RCAN2: variants seen among roughly 807,000 people sequenced by gnomAD.
RCAN2 encodes calcipressin-2.
Under a neutral mutation model 23.6 loss-of-function variants are expected in RCAN2, and 9 were observed. That is an observed-to-expected ratio of 0.38 (90% CI 0.23 to 0.67). The LOEUF (loss-of-function observed/expected upper bound fraction) is 0.67, where lower values mean the gene tolerates loss of function less well. Ranked by LOEUF, RCAN2 falls within the 30% of genes least tolerant of loss-of-function variation. The pLI is 0.51. For synonymous variants in RCAN2, 109 were observed against 115.7 expected, an observed-to-expected ratio of 0.94 and a Z score of 0.37; for missense variants, 273 against 302.3, an observed-to-expected ratio of 0.90 and a Z score of 0.72.
chr6:46,263,265 A>G (rs1767176233), intron 2 of RCAN2, among the ~76,000 whole-genome samples: 1 of 152,200 alleles, frequency 6.6e-6, no homozygotes. Context: ...CACTAAACAT[A>G]TGTATTAAGA....
intron 2 of RCAN2, among the ~76,000 whole-genome samples, chr6:46,302,514 C>T (rs1762932794): frequency 6.6e-6 from 1 of 152,094 alleles, no homozygotes; most frequent in Non-Finnish European, 1.5e-5. Flanking sequence ...CTCCTGCTTT[C>T]TTTCAATAAA....
At chr6:46,463,344 G>C (rs1429660003) in intron 1 of RCAN2, among the ~76,000 whole-genome samples, 2 of 152,242 alleles carry the variant, frequency 1.3e-5, no homozygotes, top group Non-Finnish European at 2.9e-5. Flanking sequence ...AGTCAAACCA[G>C]AGAGAAAGAG....
chr6:46,490,992 C>A (rs1769124333), intron 1 of RCAN2, among the ~76,000 whole-genome samples, 181 bp downstream of exon 1: 1 of 139,790 alleles, frequency 7.2e-6, no homozygotes, highest in Non-Finnish European at 1.6e-5. Flanking sequence ...AAACCCCACC[C>A]CCGCCACTGC....
chr6:46,386,586 T>G lies in RCAN2; in HGVS notation c.225+70166A>C, dbSNP rs1299337562. 2.1e-4 allele frequency among the ~76,000 whole-genome samples: 26 copies of G among 123,498 alleles called. 1 individual carries two copies. Among genetic ancestry groups the G allele is most frequent in the Middle Eastern group, 0.013 (2 of 160 alleles). The allele number at this position is 123,498 out of a possible 152,430, so 81.0% of individuals were successfully genotyped here. A position where few individuals can be genotyped will look rare whatever the true frequency, so the allele number is the denominator to read the frequency against. On this transcript the variant is annotated intron_variant, in intron 2 of 4. Coordinates refer to ENST00000371374, the MANE Select transcript of RCAN2 (RefSeq NM_001251974.2). Reference sequence around the variant, plus strand: ...TCGCGCCACTGTACCCCAGCCTGGGTGACAAGAGCAAAACTCTGTCTCACA... The same window carrying G: ...TCGCGCCACTGTACCCCAGCCTGGGGGACAAGAGCAAAACTCTGTCTCACA...
At chr6:46,294,888 T>G (rs555641139) in intron 2 of RCAN2, among the ~76,000 whole-genome samples, 2 of 152,276 alleles carry the variant, frequency 1.3e-5, no homozygotes, top group South Asian at 4.1e-4. Flanking sequence ...TTAACATTTT[T>G]AAAAGGAAAT....
intron 2 of RCAN2, among the ~76,000 whole-genome samples, chr6:46,315,943 A>T (rs1434444991): frequency 4.4e-5 from 2 of 45,970 alleles, no homozygotes; most frequent in South Asian, 7.0e-4. Context: ...GAGACAAGAA[A>T]AGAGGTTTGG....
intron 1 of RCAN2, among the ~76,000 whole-genome samples, chr6:46,474,708 G>T (rs1768665931): frequency 6.6e-6 from 1 of 152,212 alleles, no homozygotes; most frequent in African/African-American, 2.4e-5. Context: ...GTGAAAGTTA[G>T]GGATGCTGAA....
intron 2 of RCAN2, among the ~76,000 whole-genome samples, chr6:46,311,591 G>A (rs528251850): frequency 3.3e-5 from 5 of 152,248 alleles, no homozygotes; most frequent in South Asian, 2.1e-4. Flanking sequence ...GCAGCCTACC[G>A]GGCCGTAATC....
chr6:46,222,880 T>C lies in RCAN2; in HGVS notation c.*261A>G, dbSNP rs192624576. 1,248 of 418,262 alleles carry C rather than the reference T, an allele frequency of 3.0e-3. 12 individuals are homozygous for C. The highest frequency in any genetic ancestry group is 0.024 in the African/African-American group (1,168 of 49,582). The allele number at this position is 418,262 out of a possible 1,614,324, so 25.9% of individuals were successfully genotyped here. A position where few individuals can be genotyped will look rare whatever the true frequency, so the allele number is the denominator to read the frequency against. Reference sequence around the variant, plus strand: ...GGATCAACATGAGAGAACAAAGATATAGGCTGTGCTGATTGTTTAATAAGA... The same window carrying C: ...GGATCAACATGAGAGAACAAAGATACAGGCTGTGCTGATTGTTTAATAAGA... On this transcript the variant is annotated 3_prime_UTR_variant, in exon 5 of 5. Transcript: ENST00000371374.
intron 2 of RCAN2, among the ~76,000 whole-genome samples, chr6:46,405,336 G>A (rs183879935): frequency 3.9e-5 from 6 of 152,284 alleles, no homozygotes; most frequent in African/African-American, 1.4e-4. Context: ...TCCACAGGGT[G>A]GAAGGGGACC....
chr6:46,320,197 C>A (rs914857979), intron 2 of RCAN2, among the ~76,000 whole-genome samples: 1 of 152,174 alleles, frequency 6.6e-6, no homozygotes, highest in East Asian at 1.9e-4. Flanking sequence ...CAGATCCTTA[C>A]CCTAGTGCTC....
At chr6:46,441,278 A>G (rs545658868) in intron 2 of RCAN2, among the ~76,000 whole-genome samples, 14 of 152,340 alleles carry the variant, frequency 9.2e-5, no homozygotes, top group Admixed American at 8.5e-4. Flanking sequence ...AGATATTTTT[A>G]AGTTGGCAAA....
intron 4 of RCAN2, among the ~76,000 whole-genome samples, chr6:46,243,738 A>G (rs1004333897): frequency 3.0e-5 from 4 of 131,760 alleles, no homozygotes; most frequent in Non-Finnish European, 4.7e-5. Context: ...TGAACCCGGG[A>G]GGAGGAGGTT....
At chr6:46,256,382 TAAATA>T (rs78198715) in intron 2 of RCAN2, among the ~76,000 whole-genome samples, 2,443 of 147,882 alleles carry the variant, frequency 0.017, 71 homozygotes, top group African/African-American at 0.056. Flanking sequence ...AAAAGAAAAA[TAAATA>T]AAATAAAATA....
chr6:46,327,181 C>T (rs1424110291), intron 2 of RCAN2, among the ~76,000 whole-genome samples: 1 of 152,100 alleles, frequency 6.6e-6, no homozygotes, highest in African/African-American at 2.4e-5. Flanking sequence ...CAACATTTCA[C>T]AAGGCAGGGA....
At chr6:46,475,548 C>T (rs566322236) in intron 1 of RCAN2, among the ~76,000 whole-genome samples, 174 of 152,260 alleles carry the variant, frequency 1.1e-3, no homozygotes, top group African/African-American at 4.0e-3. Flanking sequence ...TCCAAACAAA[C>T]AGAAAAGCTA....
intron 2 of RCAN2, among the ~76,000 whole-genome samples, chr6:46,271,027 C>T (rs769151883): frequency 5.9e-5 from 9 of 152,192 alleles, no homozygotes; most frequent in Non-Finnish European, 1.2e-4. Flanking sequence ...TTCATACATA[C>T]TGTGAGAGAA....
At chr6:46,298,722 C>T (rs751587201) in intron 2 of RCAN2, among the ~76,000 whole-genome samples, 9 of 152,028 alleles carry the variant, frequency 5.9e-5, no homozygotes, top group Non-Finnish European at 1.2e-4. Context: ...GAACTTAAAA[C>T]AGAACTACTA....
chr6:46,437,302 T>C (rs574883063), intron 2 of RCAN2, among the ~76,000 whole-genome samples: 1 of 152,336 alleles, frequency 6.6e-6, no homozygotes, highest in South Asian at 2.1e-4. Flanking sequence ...TTTAACATGG[T>C]ATAATAACAT....
Sources: allele counts gnomAD v4.1 joint callset (sites outside exome capture counted in the v4.1 genomes callset), GRCh38; gene constraint gnomAD v4.1.1; transcripts MANE v1.5; gene names NCBI Gene and HGNC (gene_info 2026-07-23, HGNC 2026-07-21).